The following CNTNAP2 variants were observed in gnomAD, a reference collection of about 807,000 sequenced individuals.
CNTNAP2 encodes contactin associated protein 2, also known as contactin-associated protein-like 2.
CNTNAP2 carries 98 observed loss-of-function variants against 155.2 expected under a neutral mutation model. That is an observed-to-expected ratio of 0.63 (90% CI 0.54 to 0.75). CNTNAP2 has a LOEUF of 0.75. Among genes scored for constraint, CNTNAP2 ranks in the 30% least tolerant of loss-of-function variants. The pLI, the probability that CNTNAP2 is intolerant of heterozygous loss-of-function variation, is 0.00. For synonymous variants in CNTNAP2, 651 were observed against 631.2 expected, an observed-to-expected ratio of 1.03 and a Z score of -0.47; for missense variants, 1,727 against 1,688.1, an observed-to-expected ratio of 1.02 and a Z score of -0.40.
intron 13 of CNTNAP2, among the ~76,000 whole-genome samples, chr7:147,825,464 T>C (rs1798431689): frequency 1.3e-5 from 2 of 152,176 alleles, no homozygotes; most frequent in Non-Finnish European, 2.9e-5. Flanking sequence ...AACAAAGCTA[T>C]GAATAGAGTA....
intron 1 of CNTNAP2, among the ~76,000 whole-genome samples, chr7:146,508,612 C>T (rs1343764293): frequency 6.6e-6 from 1 of 152,200 alleles, no homozygotes; most frequent in Non-Finnish European, 1.5e-5. Flanking sequence ...CTCCTGTTGT[C>T]TGGTGTCCCC....
At chr7:147,912,744 G>T (rs928445938) in intron 14 of CNTNAP2, among the ~76,000 whole-genome samples, 3 of 152,098 alleles carry the variant, frequency 2.0e-5, no homozygotes, top group African/African-American at 7.2e-5. Context: ...CCTCCTCCAA[G>T]CCCCAGAGGA....
At chr7:147,138,943 C>T (rs1164124342) in intron 8 of CNTNAP2, among the ~76,000 whole-genome samples, 2 of 151,770 alleles carry the variant, frequency 1.3e-5, no homozygotes, top group Admixed American at 6.6e-5. Flanking sequence ...GTTTCAAAAG[C>T]TTCAGTTTAC....
intron 1 of CNTNAP2, among the ~76,000 whole-genome samples, chr7:146,388,138 G>A (rs377470342): frequency 6.7e-6 from 1 of 149,170 alleles, no homozygotes; most frequent in East Asian, 2.0e-4. Flanking sequence ...TTTCTTCTCG[G>A]GAATGCTTTT....
chr7:147,752,057 C>T (rs1797144687), intron 13 of CNTNAP2, among the ~76,000 whole-genome samples: 1 of 152,174 alleles, frequency 6.6e-6, no homozygotes, highest in Non-Finnish European at 1.5e-5. Context: ...TAATGAAGGT[C>T]ACAGTGACTA....
chr7:148,201,011 A>G (rs115867609), intron 18 of CNTNAP2, among the ~76,000 whole-genome samples: 270 of 152,352 alleles, frequency 1.8e-3, no homozygotes, highest in African/African-American at 6.2e-3. Context: ...ATAAGAAGCA[A>G]TGCCTCAAGT....
At chr7:147,566,299 A>G (rs1002100801) in intron 12 of CNTNAP2, among the ~76,000 whole-genome samples, 2 of 126,360 alleles carry the variant, frequency 1.6e-5, no homozygotes, top group Non-Finnish European at 3.3e-5. Flanking sequence ...CAAGAAGAAG[A>G]AGGAGGAGGA....
At position 148,019,887 on chromosome 7, in the gene CNTNAP2, C is replaced by T. The variant is rs184733406; in HGVS notation, c.2383+41898C>T. Among the ~76,000 whole-genome samples the T allele has an allele frequency of 6.0e-3, 912 of 152,162 alleles. 10 individuals are homozygous for T. Among genetic ancestry groups the T allele is most frequent in the African/African-American group, 0.021 (856 of 41,506 alleles). On this transcript the variant is annotated intron_variant, in intron 15 of 23. Transcript: ENST00000361727. ...CTGCAACCTCCACCTCCTGGATGAA[C>T]GATTCTCCTCCCTCAGCCTCCCAAG...
chr7:146,589,025 T>G (rs1046880857), intron 1 of CNTNAP2, among the ~76,000 whole-genome samples: 28 of 152,204 alleles, frequency 1.8e-4, no homozygotes, highest in African/African-American at 6.8e-4. Context: ...CTGTCTTTCC[T>G]TTTCCTTAGC....
chr7:146,849,080 A>G (rs28410724), intron 3 of CNTNAP2, among the ~76,000 whole-genome samples: 5,576 of 152,240 alleles, frequency 0.037, 336 homozygotes, highest in African/African-American at 0.12. Context: ...TGCACCCAGC[A>G]AAAAGCTGAC....
chr7:147,130,836 A>C (rs1245316919), intron 7 of CNTNAP2, among the ~76,000 whole-genome samples: 1 of 152,070 alleles, frequency 6.6e-6, no homozygotes, highest in Non-Finnish European at 1.5e-5. Flanking sequence ...ATCCCCTCAA[A>C]AGAGGTATGT....
intron 13 of CNTNAP2, among the ~76,000 whole-genome samples, chr7:147,827,697 C>T (rs112440647): frequency 0.036 from 5,524 of 152,114 alleles, 169 homozygotes; most frequent in Middle Eastern, 0.061. Context: ...TAGATAGCTC[C>T]TGTAGTGCTG....
rs188829142 is a variant in CNTNAP2, at chr7:146,589,978, T to G, written c.98-184293T>G. On this transcript the variant is annotated intron_variant, in intron 1 of 23. Transcript: ENST00000361727. ...TTTTGTAGAAAAAGCCTGAGCCCCTTTCACTCACATTACTTTGGCCAGAAC... is the reference window on the plus strand; with the variant it reads ...TTTTGTAGAAAAAGCCTGAGCCCCTGTCACTCACATTACTTTGGCCAGAAC... Among the ~76,000 whole-genome samples the G allele has an allele frequency of 2.0e-4, 31 of 152,286 alleles. 1 individual carries two copies. The highest frequency in any genetic ancestry group is 6.3e-4 in the African/African-American group (26 of 41,566).
chr7:146,391,315 T>G (rs770609128), intron 1 of CNTNAP2, among the ~76,000 whole-genome samples: 2 of 151,882 alleles, frequency 1.3e-5, no homozygotes, highest in Non-Finnish European at 2.9e-5. Context: ...CCTTGCTTTT[T>G]GTGCTGGAGC....
intron 13 of CNTNAP2, among the ~76,000 whole-genome samples, chr7:147,902,834 G>A (rs1799895039): frequency 8.1e-6 from 1 of 123,764 alleles, no homozygotes; most frequent in South Asian, 2.6e-4. Flanking sequence ...GTGTGTGTGT[G>A]TGTGTGTGTA....
intron 2 of CNTNAP2, among the ~76,000 whole-genome samples, chr7:146,814,802 C>T (rs1404719106): frequency 3.3e-5 from 5 of 152,094 alleles, no homozygotes; most frequent in South Asian, 4.1e-4. Context: ...ATGCAATATC[C>T]GCTTCAAGAC....
At chr7:147,625,214 A>G (rs1029070598) in intron 12 of CNTNAP2, among the ~76,000 whole-genome samples, 2 of 152,272 alleles carry the variant, frequency 1.3e-5, no homozygotes, top group South Asian at 4.1e-4. Context: ...CATAGTCAAT[A>G]ATAACTTAAT....
chr7:146,847,202 T>C (rs1803858738), intron 3 of CNTNAP2, among the ~76,000 whole-genome samples: 1 of 152,184 alleles, frequency 6.6e-6, no homozygotes, highest in Non-Finnish European at 1.5e-5. Flanking sequence ...AAGATGTATG[T>C]TTCTACTCTG....
intron 13 of CNTNAP2, among the ~76,000 whole-genome samples, chr7:147,775,536 C>T (rs1363410619): frequency 6.7e-6 from 1 of 148,810 alleles, no homozygotes; most frequent in East Asian, 2.0e-4. Context: ...ACAATTGATC[C>T]TAATTCAAAT....
Sources: gnomAD v4.1 joint callset for allele counts (sites outside exome capture counted in the v4.1 genomes callset) on GRCh38, gnomAD v4.1.1 for gene constraint, MANE v1.5 for transcripts, NCBI Gene and HGNC (gene_info 2026-07-23, HGNC 2026-07-21) for gene names.